Variants in PLXDC2 observed in about 807,000 individuals in gnomAD.
PLXDC2 encodes plexin domain-containing protein 2.
In PLXDC2, 40 loss-of-function variants were observed where a neutral mutation model predicts 68.9. That is an observed-to-expected ratio of 0.58 (90% CI 0.45 to 0.76). The LOEUF (loss-of-function observed/expected upper bound fraction) is 0.76, where lower values mean the gene tolerates loss of function less well. PLXDC2 is among the 30% of genes least tolerant of loss of function. PLXDC2 has a pLI of 0.00. For missense variants in PLXDC2, 644 were observed against 661.9 expected (o/e 0.97, Z 0.30); for synonymous variants, 243 against 234.2 (o/e 1.04, Z -0.34).
At chr10:20,008,645 T>C (rs1004000084) in intron 2 of PLXDC2, among the ~76,000 whole-genome samples, 1 of 152,150 alleles carries the variant, frequency 6.6e-6, no homozygotes. Context: ...AGAATCTCCA[T>C]GTTATGTTTG....
chr10:19,851,897 A>G (rs540262457), intron 1 of PLXDC2, among the ~76,000 whole-genome samples: 241 of 152,256 alleles, frequency 1.6e-3, no homozygotes, highest in African/African-American at 5.7e-3. Context: ...CCTGAGTGAA[A>G]ACCAGCAGAT....
At chr10:20,245,282 A>T in intron 12 of PLXDC2, 63 bp from the exon 13 acceptor site, 1 of 1,512,030 alleles carries the variant, frequency 6.6e-7, no homozygotes, top group South Asian at 1.4e-5. Flanking sequence ...ATATCTCCTC[A>T]GATGAAAATG....
At chr10:20,191,422 T>A (rs990187974) in intron 9 of PLXDC2, among the ~76,000 whole-genome samples, 1 of 152,002 alleles carries the variant, frequency 6.6e-6, no homozygotes, top group African/African-American at 2.4e-5. Flanking sequence ...AATGATAGGT[T>A]TTCTTAAAAA....
chr10:20,150,807 A>G (rs971260819), intron 6 of PLXDC2, among the ~76,000 whole-genome samples: 9 of 152,176 alleles, frequency 5.9e-5, no homozygotes, highest in African/African-American at 2.2e-4. Context: ...GGTGTCTCAC[A>G]TTGCAGAATT....
intron 13 of PLXDC2, among the ~76,000 whole-genome samples, chr10:20,249,716 C>T (rs1040048344): frequency 1.3e-5 from 2 of 152,142 alleles, no homozygotes; most frequent in Non-Finnish European, 2.9e-5. Context: ...GTAACATTGA[C>T]ACCTTTTGGA....
intron 7 of PLXDC2, 127 bp from the exon 8 acceptor site, chr10:20,176,872 C>T (rs1438790212): frequency 1.6e-6 from 1 of 633,642 alleles, no homozygotes; most frequent in Non-Finnish European, 2.6e-6. Flanking sequence ...AGTCTTCTCA[C>T]AGGATGAGGC....
intron 12 of PLXDC2, among the ~76,000 whole-genome samples, chr10:20,235,614 T>C (rs1204549612): frequency 6.6e-6 from 1 of 152,154 alleles, no homozygotes; most frequent in Non-Finnish European, 1.5e-5. Context: ...GGTCCAGCAG[T>C]GTGAGATCTG....
intron 1 of PLXDC2, among the ~76,000 whole-genome samples, chr10:19,891,777 GT>G (rs1837968189): frequency 6.6e-6 from 1 of 152,148 alleles, no homozygotes; most frequent in Non-Finnish European, 1.5e-5. Context: ...TAAAACCCAA[GT>G]CTAATAAACC....
At chr10:19,974,129 T>C (rs1468562981) in intron 1 of PLXDC2, among the ~76,000 whole-genome samples, 2 of 152,242 alleles carry the variant, frequency 1.3e-5, no homozygotes, top group Non-Finnish European at 1.5e-5. Flanking sequence ...TCATCAATAG[T>C]TTGCCTTTTG....
At chr10:20,058,992 G>C (rs771937348) in intron 3 of PLXDC2, among the ~76,000 whole-genome samples, 1 of 152,170 alleles carries the variant, frequency 6.6e-6, no homozygotes, top group African/African-American at 2.4e-5. Context: ...ACAGAGCTTT[G>C]TTACTCAAAG....
chr10:20,260,346 C>T (rs1400879894), intron 13 of PLXDC2, among the ~76,000 whole-genome samples: 1 of 152,142 alleles, frequency 6.6e-6, no homozygotes, highest in African/African-American at 2.4e-5. Flanking sequence ...CTACTTTCTC[C>T]CATTTCCCTA....
chr10:19,931,395 C>T (rs1254744022), intron 1 of PLXDC2, among the ~76,000 whole-genome samples: 1 of 152,186 alleles, frequency 6.6e-6, no homozygotes, highest in African/African-American at 2.4e-5. Context: ...TTCAGCCCAA[C>T]AGCTGTTTTA....
At chr10:19,857,982 C>T (rs1837246149) in intron 1 of PLXDC2, among the ~76,000 whole-genome samples, 2 of 152,104 alleles carry the variant, frequency 1.3e-5, no homozygotes, top group South Asian at 4.1e-4. Flanking sequence ...TGTTGTTTGA[C>T]TTACATAAAT....
At chr10:20,169,445 A>G (rs1213418894) in intron 7 of PLXDC2, among the ~76,000 whole-genome samples, 1 of 152,168 alleles carries the variant, frequency 6.6e-6, no homozygotes. Context: ...TTTCTTGGTA[A>G]ATAGCTCTAT....
intron 12 of PLXDC2, among the ~76,000 whole-genome samples, chr10:20,223,316 T>TC (rs199557576): frequency 0.11 from 15,951 of 148,898 alleles, 1,061 homozygotes; most frequent in African/African-American, 0.17. Flanking sequence ...AATTGAATTT[T>TC]TTTTTTTTTT....
chr10:19,900,981 A>ATG (rs71388879), intron 1 of PLXDC2, among the ~76,000 whole-genome samples: 12,430 of 144,478 alleles, frequency 0.086, 633 homozygotes, highest in Admixed American at 0.19. Flanking sequence ...TATATGTGTG[A>ATG]TGTGTGTGTG....
intron 13 of PLXDC2, among the ~76,000 whole-genome samples, chr10:20,257,409 G>A (rs1334271492): frequency 8.0e-5 from 12 of 150,792 alleles, no homozygotes; most frequent in African/African-American, 2.7e-4. Flanking sequence ...TACAGTTAAT[G>A]GAGGAAACTT....
rs1200855992 is a variant in PLXDC2 at position 20,279,841 on chromosome 10, C to T, written c.*22C>T. ...CTAAAATTTCTAGGACAGAACAACA[C>T]CAGTACTGGTTTACAGGTGTTAAGA... On this transcript the variant is annotated 3_prime_UTR_variant, in exon 14 of 14. Transcript: ENST00000377252. 1 of 1,598,990 alleles carries T rather than the reference C, an allele frequency of 6.3e-7. No individual in the cohort carries two copies. The highest frequency in any genetic ancestry group is 8.6e-7 in the Non-Finnish European group (1 of 1,166,772).
Position 19,945,575 on chromosome 10 carries a change from T to C in PLXDC2, c.113-56200T>C, listed in dbSNP as rs143188600. ...GCCCAGATGGAATGGAGGATGGCTTTTAGCCTTGTGGTTCTAGTGAAATCC... is the reference window on the plus strand; with the variant it reads ...GCCCAGATGGAATGGAGGATGGCTTCTAGCCTTGTGGTTCTAGTGAAATCC... On this transcript the variant is annotated intron_variant, in intron 1 of 13. Transcript: ENST00000377252. Among the ~76,000 whole-genome samples, 57 of 152,334 alleles carry C rather than the reference T, an allele frequency of 3.7e-4. No homozygotes were observed. In the East Asian group the frequency reaches 0.011, roughly 29 times the overall value.
Sources: allele counts gnomAD v4.1 joint callset (sites outside exome capture counted in the v4.1 genomes callset), GRCh38; gene constraint gnomAD v4.1.1; transcripts MANE v1.5; gene names NCBI Gene and HGNC (gene_info 2026-07-23, HGNC 2026-07-21).